Variants in UGT3A1 observed in about 807,000 individuals in gnomAD.
UGT3A1 encodes the protein UDP-glycosyltransferase 3A1.
Under a neutral mutation model 37.6 loss-of-function variants are expected in UGT3A1, and 40 were observed. That is an observed-to-expected ratio of 1.06 (90% CI 0.83 to 1.38). The LOEUF (loss-of-function observed/expected upper bound fraction) is 1.38. Among genes scored for constraint, UGT3A1 ranks in the 40% most tolerant of loss-of-function variants. The pLI is 0.00. For synonymous variants in UGT3A1, 256 were observed against 232.3 expected, an observed-to-expected ratio of 1.10 and a Z score of -0.93; for missense variants, 642 against 634.2, an observed-to-expected ratio of 1.01 and a Z score of -0.13.
At chr5:35,959,348 C>G (rs901204575) in intron 4 of UGT3A1, among the ~76,000 whole-genome samples, 1 of 152,066 alleles carries the variant, frequency 6.6e-6, no homozygotes, top group Non-Finnish European at 1.5e-5. Flanking sequence ...ATCCAGAAAC[C>G]CTTCCTAAAG....
intron 4 of UGT3A1, chr5:35,962,608 A>G (rs1375984906): frequency 5.2e-6 from 2 of 387,300 alleles, no homozygotes; most frequent in Admixed American, 8.2e-5. Context: ...CTGTCAGCAA[A>G]GATCTAGATT....
At chr5:35,980,446 C>T (rs1023445422) in intron 2 of UGT3A1, among the ~76,000 whole-genome samples, 1 of 152,162 alleles carries the variant, frequency 6.6e-6, no homozygotes, top group Non-Finnish European at 1.5e-5. Context: ...AGACAGAATT[C>T]ACAAAACAAT....
intron 4 of UGT3A1, among the ~76,000 whole-genome samples, chr5:35,957,708 C>A (rs1247394703): frequency 6.6e-6 from 1 of 152,160 alleles, no homozygotes; most frequent in Non-Finnish European, 1.5e-5. Flanking sequence ...TGATGTCTAG[C>A]TCATCCTATT....
At chr5:36,000,591 C>G (rs1419903857) in intron 1 of UGT3A1, among the ~76,000 whole-genome samples, 1 of 152,162 alleles carries the variant, frequency 6.6e-6, no homozygotes, top group Non-Finnish European at 1.5e-5. Flanking sequence ...AAGACCTTTA[C>G]CTCCAGTTTA....
chr5:35,964,468 T>C lies in UGT3A1; in HGVS notation c.843+918A>G, dbSNP rs145174956. Among the ~76,000 whole-genome samples, 488 of 152,154 alleles carry C rather than the reference T, an allele frequency of 3.2e-3. 6 individuals are homozygous for C. The highest frequency in any genetic ancestry group is 0.011 in the African/African-American group (454 of 41,498). On this transcript the variant is annotated intron_variant, in intron 4 of 6. Transcript: ENST00000274278. Reference sequence around the variant, plus strand: ...AAATACACCTACCACCAATGCAAAGTCCATCTCATCCATAGATCATTCCCC... The same window carrying C: ...AAATACACCTACCACCAATGCAAAGCCCATCTCATCCATAGATCATTCCCC...
intron 2 of UGT3A1, among the ~76,000 whole-genome samples, chr5:35,987,586 A>T (rs1378674499): frequency 6.6e-6 from 1 of 152,222 alleles, no homozygotes; most frequent in African/African-American, 2.4e-5. Flanking sequence ...TATTCAGTGA[A>T]CATTCCAAAA....
intron 2 of UGT3A1, among the ~76,000 whole-genome samples, chr5:35,982,783 C>T (rs555457878): frequency 4.9e-4 from 75 of 152,258 alleles, no homozygotes; most frequent in Non-Finnish European, 9.4e-4. Flanking sequence ...CATGGCTTGG[C>T]TTTGTGTTCC....
intron 5 of UGT3A1, among the ~76,000 whole-genome samples, chr5:35,956,666 C>A (rs1270706740): frequency 1.3e-5 from 2 of 152,170 alleles, no homozygotes; most frequent in African/African-American, 4.8e-5. Flanking sequence ...AATATTGTGG[C>A]ACATCCTTCA....
Position 35,955,072 on chromosome 5 carries a change from A to T in UGT3A1, c.1295+573T>A, listed in dbSNP as rs115471445. 9.8e-3 allele frequency: 1,577 copies of T among 160,450 alleles called. 18 individuals are homozygous for T. The highest frequency in any genetic ancestry group is 0.036 in the African/African-American group (1,512 of 41,666). The allele number at this position is 160,450 out of a possible 1,614,324, so 9.9% of individuals were successfully genotyped here. A position where few individuals can be genotyped will look rare whatever the true frequency, so the allele number is the denominator to read the frequency against. On this transcript the variant is annotated intron_variant, in intron 6 of 6. Coordinates refer to ENST00000274278, the MANE Select transcript of UGT3A1 (RefSeq NM_152404.4). The stretch of plus-strand genomic sequence containing the variant: ...ACTCTTTTGTGTTGGGGGCCAGACA[A>T]TTAATAAAAACATAAATAAATGGAG...
intron 2 of UGT3A1, among the ~76,000 whole-genome samples, chr5:35,983,835 T>C (rs1740626165): frequency 6.6e-6 from 1 of 151,910 alleles, no homozygotes; most frequent in South Asian, 2.1e-4. Context: ...AAGCATTCAG[T>C]AAAATTCAAC....
intron 2 of UGT3A1, among the ~76,000 whole-genome samples, chr5:35,975,047 A>G (rs183663405): frequency 9.2e-5 from 14 of 152,358 alleles, no homozygotes; most frequent in South Asian, 2.1e-4. Context: ...TTTGTGTCCT[A>G]TGTAAATGCT....
chr5:35,989,734 T>G (rs1740862084), intron 1 of UGT3A1, among the ~76,000 whole-genome samples: 1 of 152,160 alleles, frequency 6.6e-6, no homozygotes, highest in Non-Finnish European at 1.5e-5. Flanking sequence ...TCTTGAAGTC[T>G]GAGGAAGGAG....
intron 4 of UGT3A1, among the ~76,000 whole-genome samples, chr5:35,958,077 T>A (rs1383711446): frequency 1.3e-5 from 2 of 152,136 alleles, no homozygotes; most frequent in Non-Finnish European, 2.9e-5. Context: ...TATTTATAGC[T>A]CTTATATATT....
intron 4 of UGT3A1, among the ~76,000 whole-genome samples, chr5:35,959,997 T>C (rs1161073396): frequency 2.0e-5 from 3 of 152,168 alleles, no homozygotes; most frequent in East Asian, 1.9e-4. Flanking sequence ...AGGTGAAAGA[T>C]TTTACATTTA....
rs16902677 is a variant in UGT3A1 at position 35,987,517 on chromosome 5, A to G, written c.196+933T>C. On this transcript the variant is annotated intron_variant, in intron 2 of 6. Coordinates refer to ENST00000274278, the MANE Select transcript of UGT3A1 (RefSeq NM_152404.4). ...AACCACCAAAATAAGATGACCATAT[A>G]TTACTGCTGAGAAATCAGACACTAT... is the stretch of plus-strand genomic sequence containing the variant. Among the ~76,000 whole-genome samples the G allele has an allele frequency of 5.7e-3, 864 of 152,300 alleles. 25 individuals are homozygous for G. The East Asian group carries it at 0.069, about 12-fold the overall frequency.
chr5:35,978,562 A>G (rs1300433486), intron 2 of UGT3A1, among the ~76,000 whole-genome samples: 1 of 152,130 alleles, frequency 6.6e-6, no homozygotes, highest in Non-Finnish European at 1.5e-5. Flanking sequence ...CTTATTCACT[A>G]TCACAAGAAC....
chr5:35,991,231 G>GC lies in UGT3A1; in HGVS notation c.9dup (p.Gln4AlafsTer49). 6.2e-7 allele frequency: 1 copy of GC among 1,614,236 alleles called. No individual in the cohort carries two copies. Among genetic ancestry groups the GC allele is most frequent in the Non-Finnish European group, 8.5e-7 (1 of 1,180,034 alleles). ...AAGGCCACTAGAAGCAGCACCCGCTGCCCAACCATGCTCACTTCCACAGAA... is the reference window on the plus strand; with the variant it reads ...AAGGCCACTAGAAGCAGCACCCGCTGCCCCAACCATGCTCACTTCCACAGAA... On this transcript the variant is annotated frameshift_variant, in exon 1 of 7. Coordinates refer to ENST00000274278, the MANE Select transcript of UGT3A1 (RefSeq NM_152404.4). LOFTEE classifies it high-confidence loss of function.
At chr5:35,973,420 G>T (rs1290944955) in intron 2 of UGT3A1, among the ~76,000 whole-genome samples, 1 of 152,074 alleles carries the variant, frequency 6.6e-6, no homozygotes, top group East Asian at 1.9e-4. Flanking sequence ...TTGATATGAG[G>T]CCACTAGACA....
chr5:35,971,740 GGTAT>G (rs1351597203), intron 2 of UGT3A1, among the ~76,000 whole-genome samples: 1 of 152,046 alleles, frequency 6.6e-6, no homozygotes, highest in Non-Finnish European at 1.5e-5. Context: ...CAGCCAGAGA[GGTAT>G]TTTTCTGGGA....
Sources: allele counts gnomAD v4.1 joint callset (sites outside exome capture counted in the v4.1 genomes callset), GRCh38; gene constraint gnomAD v4.1.1; transcripts MANE v1.5; gene names NCBI Gene and HGNC (gene_info 2026-07-23, HGNC 2026-07-21).